TRPM3: variants seen among roughly 807,000 people sequenced by gnomAD.
TRPM3 encodes long transient receptor potential channel 3.
In TRPM3, 77 loss-of-function variants were observed where a neutral mutation model predicts 181.2. That is an observed-to-expected ratio of 0.42 (90% CI 0.35 to 0.51). TRPM3 has a LOEUF of 0.51. TRPM3 is among the 20% of genes least tolerant of loss of function. The pLI is 0.01. For synonymous variants in TRPM3, 745 were observed against 796.4 expected (o/e 0.94, Z 1.09); for missense variants, 1,759 against 2,196.7 (o/e 0.80, Z 3.98).
intron 6 of TRPM3, among the ~76,000 whole-genome samples, chr9:70,797,478 G>A (rs1441558595): frequency 6.6e-6 from 1 of 152,166 alleles, no homozygotes; most frequent in African/African-American, 2.4e-5. Context: ...CCTTTAGTGT[G>A]ATATACAAGA....
chr9:70,884,578 C>T (rs898319811), intron 1 of TRPM3, among the ~76,000 whole-genome samples: 13 of 152,160 alleles, frequency 8.5e-5, no homozygotes, highest in Non-Finnish European at 1.6e-4. Context: ...GAAATAACTC[C>T]GAACAGTCTA....
chr9:71,274,079 G>T (rs1279761781), intron 1 of TRPM3, among the ~76,000 whole-genome samples: 1 of 152,130 alleles, frequency 6.6e-6, no homozygotes, highest in East Asian at 1.9e-4. Context: ...TCTCCCAGAG[G>T]TATGAGTTAT....
intron 24 of TRPM3, among the ~76,000 whole-genome samples, chr9:70,550,615 G>A (rs2046240346): frequency 6.6e-6 from 1 of 152,198 alleles, no homozygotes; most frequent in Admixed American, 6.5e-5. Flanking sequence ...TATGGGGAGA[G>A]AACTGCTTTG....
At chr9:70,597,797 G>T in intron 21 of TRPM3, among the ~76,000 whole-genome samples, 2 of 152,176 alleles carry the variant, frequency 1.3e-5, no homozygotes, top group East Asian at 3.9e-4. Context: ...AACACATGAT[G>T]CATGATAGAA....
chr9:71,156,408 C>CAT (rs1311598255), intron 1 of TRPM3, among the ~76,000 whole-genome samples: 1 of 147,936 alleles, frequency 6.8e-6, no homozygotes, highest in Non-Finnish European at 1.5e-5. Context: ...CACACACACA[C>CAT]ACACACACAC....
At chr9:71,317,635 T>A (rs1172762243) in intron 1 of TRPM3, among the ~76,000 whole-genome samples, 3 of 137,430 alleles carry the variant, frequency 2.2e-5, no homozygotes, top group Admixed American at 1.5e-4. Context: ...AGCAAGACCC[T>A]CTCTCAAAAA....
At chr9:71,301,667 A>T (rs1504400) in intron 1 of TRPM3, among the ~76,000 whole-genome samples, 111,613 of 152,028 alleles carry the variant, frequency 0.73, 41,181 homozygotes, top group African/African-American at 0.8. Context: ...AGGGGAAAGA[A>T]TACATGAAGA....
At chr9:71,042,266 A>C (rs1467678086) in intron 1 of TRPM3, among the ~76,000 whole-genome samples, 1 of 152,144 alleles carries the variant, frequency 6.6e-6, no homozygotes. Context: ...CATTGAATTA[A>C]TTTATCAACT....
intron 8 of TRPM3, among the ~76,000 whole-genome samples, chr9:70,742,323 A>T (rs1343486591): frequency 1.3e-5 from 2 of 152,138 alleles, no homozygotes; most frequent in Non-Finnish European, 2.9e-5. Context: ...AAATAGATAT[A>T]TAACTACATA....
intron 1 of TRPM3, among the ~76,000 whole-genome samples, chr9:71,091,573 C>T (rs1276902579): frequency 1.3e-5 from 2 of 152,092 alleles, no homozygotes; most frequent in Non-Finnish European, 2.9e-5. Flanking sequence ...AGAATGAATA[C>T]AACGCAGATC....
intron 1 of TRPM3, among the ~76,000 whole-genome samples, chr9:71,307,402 A>G (rs956673943): frequency 6.6e-6 from 1 of 152,072 alleles, no homozygotes; most frequent in Non-Finnish European, 1.5e-5. Flanking sequence ...CTAAGAGCTG[A>G]TAAGTATTCA....
At chr9:70,991,555 G>GTTTT (rs56157123) in intron 1 of TRPM3, among the ~76,000 whole-genome samples, 24,884 of 124,206 alleles carry the variant, frequency 0.2, 3,153 homozygotes, top group East Asian at 0.3. Context: ...CTATGTGTCT[G>GTTTT]TTTTTTTTTT....
intron 1 of TRPM3, among the ~76,000 whole-genome samples, chr9:71,043,384 A>G (rs1211838179): frequency 1.3e-5 from 2 of 152,214 alleles, no homozygotes; most frequent in Admixed American, 6.5e-5. Context: ...AAGAAGTCTC[A>G]GCTACCAGAG....
intron 6 of TRPM3, among the ~76,000 whole-genome samples, chr9:70,821,413 ATTT>A (rs931233839): frequency 2.0e-4 from 31 of 152,290 alleles, no homozygotes; most frequent in African/African-American, 7.2e-4. Flanking sequence ...AATAATAACA[ATTT>A]TATAAGATTT....
intron 1 of TRPM3, among the ~76,000 whole-genome samples, chr9:70,974,236 A>G (rs911620782): frequency 6.6e-6 from 1 of 152,010 alleles, no homozygotes; most frequent in Non-Finnish European, 1.5e-5. Context: ...ACAGAGGAGA[A>G]ATGTGTTTAA....
intron 7 of TRPM3, chr9:70,776,188 T>C (rs2081324116): frequency 1.4e-5 from 5 of 369,170 alleles, no homozygotes; most frequent in South Asian, 1.3e-4. Flanking sequence ...CTGTATTACA[T>C]ATTGCACCTC....
intron 6 of TRPM3, among the ~76,000 whole-genome samples, chr9:70,822,562 G>A (rs1430496160): frequency 6.6e-6 from 1 of 152,100 alleles, no homozygotes; most frequent in African/African-American, 2.4e-5. Flanking sequence ...TGTGTAATGG[G>A]GAGTTAGTGT....
intron 1 of TRPM3, among the ~76,000 whole-genome samples, chr9:70,960,165 G>A (rs1219734006): frequency 6.6e-6 from 1 of 150,758 alleles, no homozygotes; most frequent in Non-Finnish European, 1.5e-5. Context: ...CATAGCTACA[G>A]TTAATTCCAA....
At chr9:70,603,216 G>T in intron 20 of TRPM3, 126 bp downstream of exon 20, 1 of 1,162,492 alleles carries the variant, frequency 8.6e-7, no homozygotes, top group South Asian at 1.5e-5. Flanking sequence ...AGAAGCAGCT[G>T]TGGTAGAGTT....
Sources: gnomAD v4.1 joint callset for allele counts (sites outside exome capture counted in the v4.1 genomes callset) on GRCh38, gnomAD v4.1.1 for gene constraint, MANE v1.5 for transcripts, NCBI Gene and HGNC (gene_info 2026-07-23, HGNC 2026-07-21) for gene names.